Variants in RHEB observed in about 807,000 individuals in gnomAD.
The protein encoded by RHEB is GTP-binding protein Rheb.
In RHEB, 2 loss-of-function variants were observed where a neutral mutation model predicts 28.8. That is an observed-to-expected ratio of 0.07 (90% confidence interval 0.03 to 0.22). The LOEUF (loss-of-function observed/expected upper bound fraction) is 0.22, where lower values mean the gene tolerates loss of function less well. Among genes scored for constraint, RHEB ranks in the 10% least tolerant of loss-of-function variants. The probability of loss-of-function intolerance (pLI) is 1.00; values close to 1 mark genes in which losing one functional copy is unlikely to be tolerated. For synonymous variants in RHEB, 69 were observed against 77.3 expected, an observed-to-expected ratio of 0.89 and a Z score of 0.56; for missense variants, 76 against 219.9, an observed-to-expected ratio of 0.35 and a Z score of 4.14.
intron 1 of RHEB, among the ~76,000 whole-genome samples, chr7:151,508,108 A>C (rs1424269129): frequency 6.6e-6 from 1 of 152,226 alleles, no homozygotes; most frequent in Non-Finnish European, 1.5e-5. Flanking sequence ...AACGGTGGCC[A>C]ATCTGGAGAG....
intron 4 of RHEB, among the ~76,000 whole-genome samples, chr7:151,473,708 G>GA (rs1224711191): frequency 6.6e-6 from 1 of 151,718 alleles, no homozygotes; most frequent in Admixed American, 6.6e-5. Flanking sequence ...CGAGCTACTA[G>GA]AAAAAAAAGG....
chr7:151,470,482 C>A (rs1050879705), intron 7 of RHEB, 89 bp downstream of exon 7: 39 of 838,120 alleles, frequency 4.7e-5, no homozygotes, highest in Admixed American at 3.2e-4. Context: ...CAGGAGTGAT[C>A]AAGACAGAGG....
chr7:151,485,857 G>C (rs960591940), intron 2 of RHEB, among the ~76,000 whole-genome samples: 1 of 152,228 alleles, frequency 6.6e-6, no homozygotes, highest in South Asian at 2.1e-4. Flanking sequence ...CAAGCAGGGG[G>C]GCCAAAAGTC....
intron 1 of RHEB, chr7:151,518,044 C>A (rs1803112988): frequency 6.6e-6 from 1 of 152,030 alleles, no homozygotes; most frequent in African/African-American, 2.4e-5. Context: ...GATATTTGAA[C>A]AATTAGTGAC....
Position 151,466,952 on chromosome 7 carries a change from G to A in RHEB, c.*167C>T. On this transcript the variant is annotated 3_prime_UTR_variant, in exon 8 of 8. Coordinates refer to ENST00000262187, the MANE Select transcript of RHEB (RefSeq NM_005614.4). ...TTTGAAAATGGAAGTGAACTCATTTGGACAGACTCAGAGTTAACATAATCT... is the reference window on the plus strand; with the variant it reads ...TTTGAAAATGGAAGTGAACTCATTTAGACAGACTCAGAGTTAACATAATCT... 1 of 558,426 alleles carries A rather than the reference G, an allele frequency of 1.8e-6. No individual in the cohort carries two copies. The highest frequency in any genetic ancestry group is 2.6e-5 in the South Asian group (1 of 38,016). The allele number at this position is 558,426 out of a possible 1,614,324, so 34.6% of individuals were successfully genotyped here.
At chr7:151,519,296 G>A in intron 1 of RHEB, 164 bp downstream of exon 1, 1 of 381,248 alleles carries the variant, frequency 2.6e-6, no homozygotes. Context: ...ACGCCGCCCC[G>A]ACCGCCACCA....
At chr7:151,492,861 C>T (rs1584858451) in intron 1 of RHEB, among the ~76,000 whole-genome samples, 1 of 105,422 alleles carries the variant, frequency 9.5e-6, no homozygotes, top group Admixed American at 1.2e-4. Context: ...TTTTTTGAGA[C>T]GGAGTCTTGC....
chr7:151,484,318 A>G (rs765962729), intron 3 of RHEB, among the ~76,000 whole-genome samples: 14 of 152,226 alleles, frequency 9.2e-5, no homozygotes, highest in Non-Finnish European at 1.6e-4. Context: ...GAAAACCACT[A>G]TCCTGTAATA....
Position 151,519,662 on chromosome 7 carries a change from C to G in RHEB, c.-151G>C. The G allele has an allele frequency of 1.7e-6, 1 of 574,742 alleles. No individual in the cohort carries two copies. 35.6% of individuals were successfully genotyped at this position (574,742 alleles called of 1,614,324 possible). ...GCTGCCTCTCGCTCGCTAGCTCGCGCGCTCCCAACCGCCCGGAACCGACCG... is the reference window on the plus strand; with the variant it reads ...GCTGCCTCTCGCTCGCTAGCTCGCGGGCTCCCAACCGCCCGGAACCGACCG... On this transcript the variant is annotated 5_prime_UTR_variant, in exon 1 of 8. Coordinates refer to ENST00000262187, the MANE Select transcript of RHEB (RefSeq NM_005614.4).
In RHEB at chr7:151,468,802, A is replaced by T. The variant is rs1802110962; in HGVS notation, c.463-1591T>A. 6.6e-6 allele frequency among the ~76,000 whole-genome samples: 1 copy of T among 152,184 alleles called. No individual in the cohort carries two copies. Among genetic ancestry groups the T allele is most frequent in the South Asian group, 2.1e-4 (1 of 4,832 alleles). On this transcript the variant is annotated intron_variant, in intron 7 of 7. Coordinates refer to ENST00000262187, the MANE Select transcript of RHEB (RefSeq NM_005614.4). The surrounding 1 kb of genome is among the most constrained non-coding windows in gnomAD (Gnocchi z 4.3). ...AGGTCCCACCCCGCTTGTCTAATCT[A>T]GGTCACCGGCTTCAGATCACCTGAT...
chr7:151,518,808 T>C (rs960968141), intron 1 of RHEB, among the ~76,000 whole-genome samples: 1 of 152,160 alleles, frequency 6.6e-6, no homozygotes, highest in Non-Finnish European at 1.5e-5. Flanking sequence ...CAGACATTCC[T>C]TTTTCTCTGT....
At chr7:151,516,048 G>A (rs3815384) in intron 1 of RHEB, among the ~76,000 whole-genome samples, 1 of 122,170 alleles carries the variant, frequency 8.2e-6, no homozygotes, top group Non-Finnish European at 1.9e-5. Context: ...ACCATTTTAA[G>A]TTGAGTTACT....
Position 151,467,083 on chromosome 7 carries a change from A to G in RHEB, c.*36T>C. 5 of 1,464,188 alleles carry G rather than the reference A, an allele frequency of 3.4e-6. No homozygotes were observed. The highest frequency in any genetic ancestry group is 4.8e-6 in the Non-Finnish European group (5 of 1,043,544). The allele number at this position is 1,464,188 out of a possible 1,614,324, so 90.7% of individuals were successfully genotyped here. A position where few individuals can be genotyped will look rare whatever the true frequency, so the allele number is the denominator to read the frequency against. On this transcript the variant is annotated 3_prime_UTR_variant, in exon 8 of 8. Coordinates refer to ENST00000262187, the MANE Select transcript of RHEB (RefSeq NM_005614.4). ...ACGGGCAGTTTGCTTCTTCAGGTAG[A>G]ATATATTCCCAGTGTCCTCAGGCTT... is the stretch of plus-strand genomic sequence containing the variant.
intron 1 of RHEB, among the ~76,000 whole-genome samples, chr7:151,512,769 T>C (rs986714743): frequency 6.6e-6 from 1 of 152,224 alleles, no homozygotes; most frequent in Non-Finnish European, 1.5e-5. Context: ...TACAACAGTT[T>C]AATGGTTCTC....
intron 3 of RHEB, among the ~76,000 whole-genome samples, chr7:151,482,963 T>C (rs1802404111): frequency 6.6e-6 from 1 of 152,152 alleles, no homozygotes; most frequent in East Asian, 1.9e-4. Context: ...CCCCAACTCC[T>C]ATTCTTCTGT....
chr7:151,509,796 A>C (rs1336871304), intron 1 of RHEB, among the ~76,000 whole-genome samples: 1 of 152,230 alleles, frequency 6.6e-6, no homozygotes, highest in Non-Finnish European at 1.5e-5. Context: ...AATCAGATGA[A>C]GTTCAAGTGT....
chr7:151,475,165 A>G (rs1051966707), intron 4 of RHEB, among the ~76,000 whole-genome samples: 2 of 152,164 alleles, frequency 1.3e-5, no homozygotes, highest in African/African-American at 4.8e-5. Context: ...GCACACTTTC[A>G]TATTTTTAAT....
intron 1 of RHEB, among the ~76,000 whole-genome samples, chr7:151,495,541 CA>C (rs1802657584): frequency 6.6e-6 from 1 of 152,302 alleles, no homozygotes; most frequent in South Asian, 2.1e-4. Context: ...GGTGTACTTT[CA>C]GGGGTGTTGA....
At chr7:151,491,123 A>G in intron 1 of RHEB, 109 bp from the exon 2 acceptor site, 1 of 680,154 alleles carries the variant, frequency 1.5e-6, no homozygotes, top group South Asian at 1.8e-5. Context: ...TGAAGGTATC[A>G]GGGTCAGAAA....
Sources: gnomAD v4.1 joint callset for allele counts (sites outside exome capture counted in the v4.1 genomes callset) on GRCh38, gnomAD v4.1.1 for gene constraint, Gnocchi (gnomAD v3.1) non-coding constraint, MANE v1.5 for transcripts, NCBI Gene and HGNC (gene_info 2026-07-23, HGNC 2026-07-21) for gene names.